Variants in RBM20 observed in about 807,000 individuals in gnomAD.
RBM20 encodes RNA binding motif protein 20, also known as RNA-binding protein 20.
RBM20 carries 51 observed loss-of-function variants against 110.1 expected under a neutral mutation model. The observed-to-expected ratio is 0.46, with a 90% CI of 0.37 to 0.59. The LOEUF is 0.59. RBM20 is among the 20% of genes least tolerant of loss of function. The pLI, the probability that RBM20 is intolerant of heterozygous loss-of-function variation, is 0.00. For missense variants in RBM20, 1,512 were observed against 1,574.9 expected, an observed-to-expected ratio of 0.96 and a Z score of 0.68; for synonymous variants, 589 against 618.2, an observed-to-expected ratio of 0.95 and a Z score of 0.70.
chr10:110,738,184 T>C (rs1442818939), intron 1 of RBM20, among the ~76,000 whole-genome samples: 2 of 152,150 alleles, frequency 1.3e-5, no homozygotes, highest in Admixed American at 6.5e-5. Flanking sequence ...AGCTTACTGT[T>C]AGGTTTTTTA....
intron 1 of RBM20, among the ~76,000 whole-genome samples, chr10:110,752,945 A>ATATATATATATTT (rs1433992064): frequency 2.8e-5 from 3 of 109,014 alleles, no homozygotes; most frequent in African/African-American, 1.1e-4. Context: ...ATATATATAT[A>ATATATATATATTT]TTTTTTTTTT....
In RBM20 at chr10:110,702,991, G is replaced by GT. The variant is rs11309120; in HGVS notation, c.191+58357dup. Among the ~76,000 whole-genome samples, 406 of 125,204 alleles carry GT rather than the reference G, an allele frequency of 3.2e-3. 1 individual carries two copies. Among genetic ancestry groups the GT allele is most frequent in the African/African-American group, 5.7e-3 (200 of 35,390 alleles). The allele number at this position is 125,204 out of a possible 152,430, so 82.1% of individuals were successfully genotyped here. A position where few individuals can be genotyped will look rare whatever the true frequency, so the allele number is the denominator to read the frequency against. On this transcript the variant is annotated intron_variant, in intron 1 of 13. Transcript: ENST00000369519. ...GGGTTTGGGGTGGGTTTTTTTTCTT[G>GT]TTTTTTTTTTTGTTTTTTTTTTTGG...
At chr10:110,697,629 C>A (rs1047570545) in intron 1 of RBM20, among the ~76,000 whole-genome samples, 1 of 152,222 alleles carries the variant, frequency 6.6e-6, no homozygotes, top group African/African-American at 2.4e-5. Flanking sequence ...TTGGATGCCA[C>A]CCATGCTGGT....
At chr10:110,793,067 A>C (rs543214786) in intron 5 of RBM20, among the ~76,000 whole-genome samples, 2 of 152,308 alleles carry the variant, frequency 1.3e-5, no homozygotes, top group East Asian at 3.9e-4. Flanking sequence ...CCACATAAGC[A>C]TATATATTTT....
At chr10:110,741,177 A>G (rs1843721103) in intron 1 of RBM20, among the ~76,000 whole-genome samples, 1 of 151,886 alleles carries the variant, frequency 6.6e-6, no homozygotes, top group Admixed American at 6.6e-5. Context: ...TATCTTCCAT[A>G]CCCTTCTGCA....
intron 1 of RBM20, among the ~76,000 whole-genome samples, chr10:110,773,160 T>A (rs1006088072): frequency 2.0e-5 from 3 of 152,244 alleles, no homozygotes; most frequent in African/African-American, 7.2e-5. Context: ...GCATTTGTTC[T>A]TAAGGAGAAA....
chr10:110,791,564 T>A (rs1844484296), intron 5 of RBM20, among the ~76,000 whole-genome samples: 1 of 152,222 alleles, frequency 6.6e-6, no homozygotes, highest in African/African-American at 2.4e-5. Context: ...GGTCTTAGAA[T>A]CTTCATATAC....
chr10:110,731,239 C>A (rs1402346669), intron 1 of RBM20, among the ~76,000 whole-genome samples: 1 of 152,354 alleles, frequency 6.6e-6, no homozygotes, highest in East Asian at 1.9e-4. Flanking sequence ...CCTCTCACCT[C>A]CTCCATGTCT....
chr10:110,785,198 C>T (rs1261542659), intron 5 of RBM20, among the ~76,000 whole-genome samples: 1 of 152,212 alleles, frequency 6.6e-6, no homozygotes, highest in Non-Finnish European at 1.5e-5. Flanking sequence ...GCTCAGTATG[C>T]ACCTGACATG....
At chr10:110,644,280 G>T (rs973672992), upstream of RBM20, 17 of 427,038 alleles carry the variant, frequency 4.0e-5, no homozygotes, top group African/African-American at 1.7e-4. This position sits in a 1 kb window ranked among gnomAD's most constrained non-coding sequence, Gnocchi z 4.3. Flanking sequence ...CTGGAGCAGC[G>T]GGAGGAGGCG....
intron 1 of RBM20, among the ~76,000 whole-genome samples, chr10:110,684,424 CAAAAG>C (rs1362614331): frequency 3.2e-4 from 49 of 151,220 alleles, no homozygotes; most frequent in African/African-American, 1.2e-3. Context: ...CAAAACAAAA[CAAAAG>C]AAAAAGAAAA....
intron 1 of RBM20, among the ~76,000 whole-genome samples, chr10:110,645,299 C>T (rs1426529061): frequency 2.0e-5 from 3 of 152,150 alleles, no homozygotes; most frequent in African/African-American, 4.8e-5. Flanking sequence ...TAATAAGCCC[C>T]GAGAGGCTCT....
At chr10:110,758,551 T>C (rs1028696543) in intron 1 of RBM20, among the ~76,000 whole-genome samples, 1 of 152,062 alleles carries the variant, frequency 6.6e-6, no homozygotes, top group African/African-American at 2.4e-5. Context: ...GTGGCCTCTT[T>C]GAGAAGATGA....
At chr10:110,711,364 A>G (rs1267113626) in intron 1 of RBM20, among the ~76,000 whole-genome samples, 9 of 139,110 alleles carry the variant, frequency 6.5e-5, no homozygotes, top group Non-Finnish European at 1.2e-4. Context: ...AAAAGAGTCC[A>G]GGAGAGGGGA....
intron 1 of RBM20, among the ~76,000 whole-genome samples, chr10:110,767,211 G>C (rs1388699130): frequency 3.0e-5 from 4 of 135,026 alleles, no homozygotes; most frequent in Non-Finnish European, 6.5e-5. Context: ...CCGGGCGGGG[G>C]GGCTGACCCC....
At chr10:110,760,101 A>G (rs748774751) in intron 1 of RBM20, among the ~76,000 whole-genome samples, 5 of 152,220 alleles carry the variant, frequency 3.3e-5, no homozygotes, top group Non-Finnish European at 7.3e-5. Flanking sequence ...GACAAGTTTG[A>G]GATCATAAAA....
At chr10:110,811,292 G>T (rs1249249493) in intron 8 of RBM20, among the ~76,000 whole-genome samples, 3 of 152,200 alleles carry the variant, frequency 2.0e-5, no homozygotes, top group African/African-American at 7.2e-5. Flanking sequence ...TGGTTTTCCT[G>T]TGTTTGGGAA....
In RBM20 at chr10:110,725,830, A is replaced by G. The variant is rs568452229; in HGVS notation, c.192-54971A>G. On this transcript the variant is annotated intron_variant, in intron 1 of 13. Transcript: ENST00000369519. The stretch of plus-strand genomic sequence containing the variant: ...GGGGTGGCGTGTGTATAGGAAGCTG[A>G]GAGCATTGGTCACGCCAGTTCTCTG... Among the ~76,000 whole-genome samples the G allele has an allele frequency of 5.9e-5, 9 of 152,326 alleles. No homozygotes were observed. The South Asian group carries it at 1.4e-3, about 25-fold the overall frequency.
chr10:110,750,848 G>A (rs1843843790), intron 1 of RBM20, among the ~76,000 whole-genome samples: 1 of 152,192 alleles, frequency 6.6e-6, no homozygotes, highest in African/African-American at 2.4e-5. Flanking sequence ...GGGTGATGAA[G>A]GAAGGGTGCG....
Sources: gnomAD v4.1 joint callset for allele counts (sites outside exome capture counted in the v4.1 genomes callset) on GRCh38, gnomAD v4.1.1 for gene constraint, Gnocchi (gnomAD v3.1) non-coding constraint, MANE v1.5 for transcripts, NCBI Gene and HGNC (gene_info 2026-07-23, HGNC 2026-07-21) for gene names.